TENM2: variants seen among roughly 807,000 people sequenced by gnomAD.
TENM2 encodes the protein teneurin transmembrane protein 2, also known as teneurin-2.
In TENM2, 52 loss-of-function variants were observed where a neutral mutation model predicts 245.2. The ratio of observed to expected loss-of-function variants is 0.21; its 90% CI spans 0.17 to 0.27. TENM2 has a LOEUF of 0.27. Ranked by LOEUF, TENM2 falls within the 10% of genes least tolerant of loss-of-function variation. The pLI, the probability that TENM2 is intolerant of heterozygous loss-of-function variation, is 1.00. For synonymous variants in TENM2, 1,363 were observed against 1,438.9 expected (o/e 0.95, Z 1.19); for missense variants, 3,046 against 3,666.8 (o/e 0.83, Z 4.37).
At chr5:167,839,116 C>A (rs984344506) in intron 2 of TENM2, among the ~76,000 whole-genome samples, 2 of 152,160 alleles carry the variant, frequency 1.3e-5, no homozygotes, top group Non-Finnish European at 2.9e-5. Context: ...GACAAAAATC[C>A]TTTCGTTTAA....
chr5:167,555,165 T>G (rs1228328253), intron 2 of TENM2, among the ~76,000 whole-genome samples: 1 of 152,132 alleles, frequency 6.6e-6, no homozygotes, highest in Non-Finnish European at 1.5e-5. Flanking sequence ...GGAAAAGCAT[T>G]TGCAGCTCTG....
intron 2 of TENM2, among the ~76,000 whole-genome samples, chr5:167,833,276 A>G (rs1768674295): frequency 6.6e-6 from 1 of 152,218 alleles, no homozygotes; most frequent in Non-Finnish European, 1.5e-5. Context: ...GTAATAATAG[A>G]ATTAATCACT....
chr5:167,072,274 C>T, the TENM2 span, among the ~76,000 whole-genome samples: 1 of 152,204 alleles, frequency 6.6e-6, no homozygotes, highest in African/African-American at 2.4e-5. Flanking sequence ...TATTGTCACT[C>T]CCTCTTTATC....
At chr5:168,245,341 C>T (rs1417497823) in intron 26 of TENM2, among the ~76,000 whole-genome samples, 1 of 152,020 alleles carries the variant, frequency 6.6e-6, no homozygotes, top group Non-Finnish European at 1.5e-5. Context: ...CCACTGGCAG[C>T]GTGGCTCATC....
intron 1 of TENM2, among the ~76,000 whole-genome samples, chr5:167,347,390 A>C (rs1386851153): frequency 6.6e-6 from 1 of 152,176 alleles, no homozygotes; most frequent in Non-Finnish European, 1.5e-5. Context: ...AACAAAGGAG[A>C]AGCCTAGAGA....
At chr5:167,139,707 T>G in the TENM2 span, among the ~76,000 whole-genome samples, 4 of 152,202 alleles carry the variant, frequency 2.6e-5, no homozygotes, top group Non-Finnish European at 5.9e-5. Flanking sequence ...ATATGTATAA[T>G]TTATCTGTCA....
At chr5:167,392,036 A>G (rs1191624093) in intron 2 of TENM2, among the ~76,000 whole-genome samples, 1 of 151,818 alleles carries the variant, frequency 6.6e-6, no homozygotes, top group Non-Finnish European at 1.5e-5. Context: ...TGTTGGTGTG[A>G]TTTTTCTTTA....
chr5:168,199,410 A>G (rs1249112657), intron 16 of TENM2, among the ~76,000 whole-genome samples: 1 of 152,214 alleles, frequency 6.6e-6, no homozygotes, highest in Non-Finnish European at 1.5e-5. Flanking sequence ...AGTCACAGAG[A>G]TACATGGTAA....
chr5:167,209,272 T>G, the TENM2 span, among the ~76,000 whole-genome samples: 4 of 152,124 alleles, frequency 2.6e-5, no homozygotes, highest in Admixed American at 2.0e-4. Context: ...TTAGTAATTT[T>G]TTTTTTTTTG....
At chr5:167,562,237 A>G (rs10071347) in intron 2 of TENM2, among the ~76,000 whole-genome samples, 88,096 of 151,994 alleles carry the variant, frequency 0.58, 26,097 homozygotes, top group Middle Eastern at 0.7. Context: ...AAAATTGAAC[A>G]TAGAGAGCTG....
rs1780017570 is a variant in TENM2 at position 167,950,682 on chromosome 5, A to ATTATTAC, written c.713-1906_713-1905insTTATTAC. 5.3e-5 allele frequency among the ~76,000 whole-genome samples: 8 copies of ATTATTAC among 152,274 alleles called. No homozygotes were observed. The South Asian group carries it at 1.7e-3, about 32-fold the overall frequency. The stretch of plus-strand genomic sequence containing the variant: ...GTGAGGGGCTTGGATAGCATCCCTG[A>ATTATTAC]AGGATCATTATTACATCATTTCACC... On this transcript the variant is annotated intron_variant, in intron 3 of 28. Transcript: ENST00000518659.
chr5:168,027,904 TAAG>T (rs1361119106), intron 5 of TENM2, among the ~76,000 whole-genome samples: 13 of 152,326 alleles, frequency 8.5e-5, no homozygotes, highest in African/African-American at 2.9e-4. Flanking sequence ...TATGTGGTAG[TAAG>T]AAGACGTCCA....
chr5:167,539,648 A>T (rs1772070202), intron 2 of TENM2, among the ~76,000 whole-genome samples: 1 of 152,194 alleles, frequency 6.6e-6, no homozygotes, highest in Non-Finnish European at 1.5e-5. Flanking sequence ...ATCAAGCATA[A>T]AAGTGATTTA....
In TENM2 at chr5:168,028,466, C is replaced by T. The variant is rs975742946; in HGVS notation, c.1187-18961C>T. 3.3e-5 allele frequency among the ~76,000 whole-genome samples: 5 copies of T among 152,256 alleles called. No homozygotes were observed. In the East Asian group the frequency reaches 9.7e-4, roughly 29 times the overall value. On this transcript the variant is annotated intron_variant, in intron 5 of 28. Transcript: ENST00000518659. ...TAGGCATGGGCAGTGCTTTTCTCCC[C>T]AAAGAACTCTACTTCTTCAAGCTTT... is the stretch of plus-strand genomic sequence containing the variant.
At chr5:167,103,645 T>C in the TENM2 span, among the ~76,000 whole-genome samples, 2 of 152,216 alleles carry the variant, frequency 1.3e-5, no homozygotes, top group South Asian at 4.1e-4. Flanking sequence ...TAACTTGTTA[T>C]GTGCTTTTAT....
At chr5:167,537,017 T>C (rs993343708) in intron 2 of TENM2, among the ~76,000 whole-genome samples, 3 of 151,650 alleles carry the variant, frequency 2.0e-5, no homozygotes, top group Non-Finnish European at 2.9e-5. Context: ...AGGGCAAGAC[T>C]CCATCTCAAA....
chr5:168,164,599 C>G (rs80154111), intron 13 of TENM2, among the ~76,000 whole-genome samples: 1,767 of 152,254 alleles, frequency 0.012, 36 homozygotes, highest in African/African-American at 0.039. Context: ...TTCTAAACCT[C>G]TGAGCTGAAT....
At chr5:168,006,868 A>G (rs1015722903) in intron 5 of TENM2, among the ~76,000 whole-genome samples, 7 of 152,154 alleles carry the variant, frequency 4.6e-5, no homozygotes, top group African/African-American at 1.7e-4. Context: ...TTAAACTTCT[A>G]TCTGTCCGTG....
At chr5:167,090,635 T>G in the TENM2 span, among the ~76,000 whole-genome samples, 11 of 152,344 alleles carry the variant, frequency 7.2e-5, no homozygotes, top group Admixed American at 5.9e-4. Context: ...TTTTTTTGAT[T>G]GCTTAGTAAC....
Sources: allele counts gnomAD v4.1 joint callset (sites outside exome capture counted in the v4.1 genomes callset), GRCh38; gene constraint gnomAD v4.1.1; transcripts MANE v1.5; gene names NCBI Gene and HGNC (gene_info 2026-07-23, HGNC 2026-07-21).